Variants in PARVA observed in about 807,000 individuals in gnomAD.
PARVA encodes alpha-parvin.
PARVA carries 25 observed loss-of-function variants against 52.6 expected under a neutral mutation model. That is an observed-to-expected ratio of 0.48 (90% CI 0.35 to 0.66). The LOEUF (loss-of-function observed/expected upper bound fraction) is 0.66, where lower values mean the gene tolerates loss of function less well. Ranked by LOEUF, PARVA falls within the 30% of genes least tolerant of loss-of-function variation. The probability of loss-of-function intolerance (pLI) is 0.01; values close to 1 mark genes in which losing one functional copy is unlikely to be tolerated. For synonymous variants in PARVA, 185 were observed against 179.1 expected, an observed-to-expected ratio of 1.03 and a Z score of -0.26; for missense variants, 373 against 450.9, an observed-to-expected ratio of 0.83 and a Z score of 1.56.
At chr11:12,494,148 A>G (rs1941266474) in intron 4 of PARVA, among the ~76,000 whole-genome samples, 1 of 152,260 alleles carries the variant, frequency 6.6e-6, no homozygotes, top group South Asian at 2.1e-4. Context: ...TGGGAGAGGC[A>G]CAGAGCTTCC....
intron 1 of PARVA, among the ~76,000 whole-genome samples, chr11:12,438,133 G>A (rs545636391): frequency 1.3e-5 from 2 of 152,062 alleles, no homozygotes; most frequent in Admixed American, 6.6e-5. Flanking sequence ...GGTGGCGGGC[G>A]CCTGTAGTCC....
chr11:12,532,617 C>T lies in PARVA; in HGVS notation c.*4692C>T, dbSNP rs1941786003. Among the ~76,000 whole-genome samples the T allele has an allele frequency of 6.6e-6, 1 of 152,142 alleles. No individual in the cohort carries two copies. The highest frequency in any genetic ancestry group is 1.5e-5 in the Non-Finnish European group (1 of 68,036). On this transcript the variant is annotated 3_prime_UTR_variant, in exon 13 of 13. Transcript: ENST00000334956. ...CGTTAGTTACAAATTGTGACTGTCG[C>T]GATGGAGAAGTACTAAAATCTATGA...
intron 11 of PARVA, among the ~76,000 whole-genome samples, 181 bp downstream of exon 11, chr11:12,517,892 T>C (rs1287622682): frequency 1.3e-5 from 2 of 152,186 alleles, no homozygotes; most frequent in African/African-American, 4.8e-5. Flanking sequence ...TGCAGACCAC[T>C]GGGCATCCCT....
intron 1 of PARVA, among the ~76,000 whole-genome samples, chr11:12,452,231 C>A (rs998264265): frequency 7.9e-5 from 12 of 152,092 alleles, no homozygotes; most frequent in Non-Finnish European, 1.8e-4. Flanking sequence ...AGCAGCAAAC[C>A]CAAAGGGCCA....
chr11:12,413,359 A>AGGGAT (rs1410339799), intron 1 of PARVA, among the ~76,000 whole-genome samples: 3 of 152,234 alleles, frequency 2.0e-5, no homozygotes, highest in African/African-American at 4.8e-5. Context: ...GGGGAAGGGA[A>AGGGAT]GGGATTATCA....
At chr11:12,401,955 C>T (rs1218401354) in intron 1 of PARVA, among the ~76,000 whole-genome samples, 1 of 152,034 alleles carries the variant, frequency 6.6e-6, no homozygotes, top group African/African-American at 2.4e-5. Context: ...TTTCAAGTTC[C>T]CCAACTAGAG....
At chr11:12,428,492 T>C (rs1940269808) in intron 1 of PARVA, among the ~76,000 whole-genome samples, 1 of 152,248 alleles carries the variant, frequency 6.6e-6, no homozygotes, top group Non-Finnish European at 1.5e-5. Flanking sequence ...CTCAAGTCAC[T>C]ATCTTTGACC....
intron 4 of PARVA, chr11:12,480,809 T>TAAAAAAA (rs11404290): frequency 5.4e-5 from 6 of 110,266 alleles, no homozygotes; most frequent in African/African-American, 2.3e-4. Context: ...CAGTTTGCGG[T>TAAAAAAA]AAAAAAAAAA....
At chr11:12,506,069 G>A (rs751212332) in intron 6 of PARVA, among the ~76,000 whole-genome samples, 1 of 152,180 alleles carries the variant, frequency 6.6e-6, no homozygotes, top group Non-Finnish European at 1.5e-5. Flanking sequence ...TTGAAAGTGG[G>A]TGAGGACAAG....
chr11:12,494,609 G>A (rs1441882252), intron 4 of PARVA, among the ~76,000 whole-genome samples: 1 of 151,970 alleles, frequency 6.6e-6, no homozygotes, highest in East Asian at 1.9e-4. Context: ...GCTAGGAAGG[G>A]AGATCAAGGA....
rs11022335 is a variant in PARVA at position 12,384,938 on chromosome 11, C to T, written c.136+7155C>T. Among the ~76,000 whole-genome samples, 1,427 of 152,206 alleles carry T rather than the reference C, an allele frequency of 9.4e-3. 22 individuals carry two copies. The highest frequency in any genetic ancestry group is 0.032 in the African/African-American group (1,327 of 41,514). Reference sequence around the variant, plus strand: ...GGGAAGACTTTGTGCAGAGGAATGGCGTGATCTCACTTCTGTTTTAACTGA... The same window carrying T: ...GGGAAGACTTTGTGCAGAGGAATGGTGTGATCTCACTTCTGTTTTAACTGA... On this transcript the variant is annotated intron_variant, in intron 1 of 12. Coordinates refer to ENST00000334956, the MANE Select transcript of PARVA (RefSeq NM_018222.5).
Position 12,477,874 on chromosome 11 carries a change from T to A in PARVA, c.325T>A (p.Leu109Met). Residue 109 changes from leucine (L) to methionine (M), a missense_variant, in exon 4 of 13, where the codon TTG (leucine) becomes ATG (methionine). Leu to Met is a conservative substitution (Grantham distance 15, BLOSUM62 2). Transcript: ENST00000334956. ...ATTAATTGACTGGATTAATGATGTG[T>A]TGGTTGGAGAAAGAATCATTGTGAA... ...KVLIDWINDV[L>M]VGERIIVKDL... The A allele has an allele frequency of 6.2e-7, 1 of 1,601,892 alleles. No homozygotes were observed. The highest frequency in any genetic ancestry group is 2.2e-5 in the East Asian group (1 of 44,826).
intron 1 of PARVA, among the ~76,000 whole-genome samples, chr11:12,462,641 T>A (rs562446081): frequency 1.3e-5 from 2 of 152,278 alleles, no homozygotes; most frequent in Non-Finnish European, 2.9e-5. Flanking sequence ...ACTACAGCAA[T>A]AGAGAACTAA....
chr11:12,423,089 G>C (rs373121206), intron 1 of PARVA, among the ~76,000 whole-genome samples: 9 of 151,994 alleles, frequency 5.9e-5, no homozygotes, highest in Non-Finnish European at 1.0e-4. Flanking sequence ...CCTGACCTCA[G>C]GTGATCTGTC....
At chr11:12,466,788 T>C (rs1940859569) in intron 1 of PARVA, among the ~76,000 whole-genome samples, 1 of 152,284 alleles carries the variant, frequency 6.6e-6, no homozygotes, top group Middle Eastern at 3.4e-3. Flanking sequence ...CAATTGATGA[T>C]TGTATGTTTT....
chr11:12,467,274 G>T (rs140652244), intron 1 of PARVA, among the ~76,000 whole-genome samples: 1 of 152,242 alleles, frequency 6.6e-6, no homozygotes, highest in Non-Finnish European at 1.5e-5. Context: ...GAGGAGCATT[G>T]GTGTTTTGTT....
intron 7 of PARVA, among the ~76,000 whole-genome samples, chr11:12,508,959 A>T (rs4757549): frequency 1.3e-5 from 2 of 152,072 alleles, no homozygotes; most frequent in African/African-American, 4.8e-5. Context: ...CACTGGGTTG[A>T]ATTTAAATTG....
chr11:12,488,139 T>A (rs983632516), intron 4 of PARVA, among the ~76,000 whole-genome samples: 1 of 152,180 alleles, frequency 6.6e-6, no homozygotes, highest in Non-Finnish European at 1.5e-5. Flanking sequence ...AAAACCTAAC[T>A]GAACATATTA....
intron 6 of PARVA, among the ~76,000 whole-genome samples, chr11:12,507,486 C>T (rs1941445843): frequency 2.6e-5 from 4 of 152,150 alleles, no homozygotes; most frequent in South Asian, 2.1e-4. Context: ...TCAGAGCTGC[C>T]CCCTGACTGA....
Sources: allele counts gnomAD v4.1 joint callset (sites outside exome capture counted in the v4.1 genomes callset), GRCh38; gene constraint gnomAD v4.1.1; transcripts MANE v1.5; gene names NCBI Gene and HGNC (gene_info 2026-07-23, HGNC 2026-07-21).